Variants in CNBD1 observed in about 807,000 individuals in gnomAD.
The protein encoded by CNBD1 is cyclic nucleotide binding domain containing 1, also known as cyclic nucleotide-binding domain-containing protein 1.
In CNBD1, 71 loss-of-function variants were observed where a neutral mutation model predicts 54.4. The ratio of observed to expected loss-of-function variants is 1.30; its 90% confidence interval spans 1.08 to 1.59. CNBD1 has a LOEUF of 1.59. CNBD1 is among the 40% of genes most tolerant of loss of function. The probability of loss-of-function intolerance (pLI) is 0.00; values close to 1 mark genes in which losing one functional copy is unlikely to be tolerated. For missense variants in CNBD1, 659 were observed against 518.0 expected, an observed-to-expected ratio of 1.27 and a Z score of -2.64; for synonymous variants, 182 against 170.7, an observed-to-expected ratio of 1.07 and a Z score of -0.51.
Position 87,391,241 on chromosome 8 carries a change from T to TAA in CNBD1, c.214-37298_214-37297dup, listed in dbSNP as rs111871869. The stretch of plus-strand genomic sequence containing the variant: ...ATGTACCCTAAAACTTAAAGTATAA[T>TAA]AAAAAAAAGAAATTTCAAATAAAAA... On this transcript the variant is annotated intron_variant, in intron 2 of 7. Coordinates refer to the CNBD1 transcript ENST00000521593. Among the ~76,000 whole-genome samples, 457 of 151,564 alleles carry TAA rather than the reference T, an allele frequency of 3.0e-3. 5 individuals carry two copies. Among genetic ancestry groups the TAA allele is most frequent in the African/African-American group, 9.9e-3 (410 of 41,316 alleles).
At chr8:87,289,766 T>C (rs1808754644) in intron 8 of CNBD1, among the ~76,000 whole-genome samples, 1 of 152,098 alleles carries the variant, frequency 6.6e-6, no homozygotes, top group Non-Finnish European at 1.5e-5. Flanking sequence ...ACAAAATACA[T>C]AGGCTCTACA....
At chr8:86,879,551 G>T (rs748998428) in intron 1 of CNBD1, among the ~76,000 whole-genome samples, 22 of 152,166 alleles carry the variant, frequency 1.4e-4, no homozygotes, top group Non-Finnish European at 2.1e-4. Flanking sequence ...TGTTCATGGA[G>T]CACCCAGAAC....
chr8:87,159,289 G>A (rs1472825022), intron 4 of CNBD1, among the ~76,000 whole-genome samples: 1 of 152,050 alleles, frequency 6.6e-6, no homozygotes, highest in East Asian at 1.9e-4. Context: ...GAGAAACATT[G>A]TTTTAGTTCA....
chr8:86,867,449 C>G (rs1808381247), intron 1 of CNBD1, among the ~76,000 whole-genome samples: 1 of 152,152 alleles, frequency 6.6e-6, no homozygotes, highest in Non-Finnish European at 1.5e-5. Flanking sequence ...AAGTTAATTT[C>G]TCCAAATACA....
intron 4 of CNBD1, among the ~76,000 whole-genome samples, chr8:86,966,689 A>G (rs980446717): frequency 2.6e-5 from 4 of 151,982 alleles, no homozygotes; most frequent in African/African-American, 9.7e-5. Context: ...GTTCCTCCGG[A>G]TAGGTTTGTG....
chr8:87,327,409 G>T (rs930076185), intron 8 of CNBD1, among the ~76,000 whole-genome samples: 1 of 152,140 alleles, frequency 6.6e-6, no homozygotes, highest in East Asian at 1.9e-4. Flanking sequence ...CACCCTCGCT[G>T]CTGCCTTGCA....
chr8:86,905,188 A>C lies in CNBD1; in HGVS notation c.266A>C (p.Glu89Ala). The C allele has an allele frequency of 6.3e-7, 1 of 1,579,948 alleles. No homozygotes were observed. Reference sequence around the variant, plus strand: ...CTTCCTAAACTTTTCAAACAGGAGGAACAAAGGTAATGATACCTTCTTTTG... The same window carrying C: ...CTTCCTAAACTTTTCAAACAGGAGGCACAAAGGTAATGATACCTTCTTTTG... ...PRLPKLFKQE[E>A]QRELNEGKEE... is the part of the protein sequence containing the mutation. Residue 89 changes from glutamate (E) to alanine (A), a missense_variant, in exon 3 of 11, where the codon GAA becomes GCA. By Grantham distance (107) the Glu-to-Ala change is moderately radical. Coordinates refer to ENST00000518476, the MANE Select transcript of CNBD1 (RefSeq NM_173538.3).
intron 4 of CNBD1, among the ~76,000 whole-genome samples, chr8:86,963,691 C>T (rs1229590035): frequency 2.6e-5 from 4 of 152,202 alleles, no homozygotes; most frequent in African/African-American, 9.6e-5. Flanking sequence ...CACGGTCATG[C>T]TAAGAGAGGA....
At chr8:87,338,557 G>A (rs906884428) in intron 8 of CNBD1, among the ~76,000 whole-genome samples, 2 of 150,844 alleles carry the variant, frequency 1.3e-5, no homozygotes, top group African/African-American at 4.9e-5. Context: ...TGAGAAGTCA[G>A]ATGTAATTCT....
chr8:87,134,703 C>A (rs1191282389), intron 4 of CNBD1, among the ~76,000 whole-genome samples: 1 of 145,962 alleles, frequency 6.9e-6, no homozygotes, highest in Non-Finnish European at 1.5e-5. Flanking sequence ...CCTGGGTTCA[C>A]ACCATTTTCC....
At chr8:87,019,106 G>A (rs920799743) in intron 4 of CNBD1, among the ~76,000 whole-genome samples, 5 of 152,058 alleles carry the variant, frequency 3.3e-5, no homozygotes, top group Non-Finnish European at 4.4e-5. Flanking sequence ...TCAGAACAGT[G>A]CTTATGTTTG....
intron 6 of CNBD1, among the ~76,000 whole-genome samples, chr8:87,256,145 C>T (rs1385995542): frequency 6.7e-6 from 1 of 148,700 alleles, no homozygotes; most frequent in Non-Finnish European, 1.5e-5. Context: ...GCCTCAGCCT[C>T]CCCAGTGGCT....
chr8:87,286,793 GATA>G (rs1461481116), intron 8 of CNBD1, 122 bp downstream of exon 8: 2 of 713,272 alleles, frequency 2.8e-6, no homozygotes, highest in Admixed American at 2.9e-5. Context: ...TAATTTATTT[GATA>G]ATAACATTTG....
chr8:87,019,140 T>C (rs1215396385), intron 4 of CNBD1, among the ~76,000 whole-genome samples: 1 of 152,202 alleles, frequency 6.6e-6, no homozygotes, highest in Non-Finnish European at 1.5e-5. Flanking sequence ...TGTAAGTCTG[T>C]AACAAAAACC....
At chr8:87,217,602 G>A (rs774806591) in intron 5 of CNBD1, among the ~76,000 whole-genome samples, 1 of 150,296 alleles carries the variant, frequency 6.7e-6, no homozygotes, top group Non-Finnish European at 1.5e-5. Flanking sequence ...TAGCCACAGG[G>A]ACTGTTAAAT....
chr8:87,063,062 GAGACTGGTAA>G (rs1810577923), intron 4 of CNBD1, among the ~76,000 whole-genome samples: 1 of 152,128 alleles, frequency 6.6e-6, no homozygotes, highest in South Asian at 2.1e-4. Flanking sequence ...TTTTTAATGG[GAGACTGGTAA>G]ATTGGCCAAC....
intron 4 of CNBD1, among the ~76,000 whole-genome samples, chr8:86,953,503 C>G (rs944607200): frequency 6.6e-6 from 1 of 152,138 alleles, no homozygotes; most frequent in African/African-American, 2.4e-5. Flanking sequence ...AAATCCCGTA[C>G]AATTTTGGAA....
chr8:86,978,978 T>TTA, intron 4 of CNBD1, among the ~76,000 whole-genome samples: 1 of 152,234 alleles, frequency 6.6e-6, no homozygotes, highest in South Asian at 2.1e-4. Context: ...AAGTAATGAG[T>TTA]TATACAATGT....
At chr8:87,227,393 C>T (rs1370033769) in intron 5 of CNBD1, among the ~76,000 whole-genome samples, 8 of 149,370 alleles carry the variant, frequency 5.4e-5, no homozygotes, top group African/African-American at 2.0e-4. Flanking sequence ...TGTTCCTTTC[C>T]ATGTTTAGCG....
Sources: allele counts gnomAD v4.1 joint callset (sites outside exome capture counted in the v4.1 genomes callset), GRCh38; gene constraint gnomAD v4.1.1; transcripts MANE v1.5; gene names NCBI Gene and HGNC (gene_info 2026-07-23, HGNC 2026-07-21).